The following SKAP1 variants were observed in gnomAD, a reference collection of about 807,000 sequenced individuals.
The protein encoded by SKAP1 is src kinase associated phosphoprotein 1.
In SKAP1, 44 loss-of-function variants were observed where a neutral mutation model predicts 58.5. The observed-to-expected ratio is 0.75, with a 90% CI of 0.59 to 0.97. SKAP1 has a LOEUF of 0.97. Ranked by LOEUF, SKAP1 falls within the 50% of genes least tolerant of loss-of-function variation. The pLI, the probability that SKAP1 is intolerant of heterozygous loss-of-function variation, is 0.00. For missense variants in SKAP1, 390 were observed against 435.2 expected (o/e 0.90, Z 0.92); for synonymous variants, 127 against 149.7 (o/e 0.85, Z 1.11).
the SKAP1 span, among the ~76,000 whole-genome samples, chr17:48,436,335 G>C: frequency 6.6e-6 from 1 of 152,206 alleles, no homozygotes; most frequent in Non-Finnish European, 1.5e-5. Context: ...GCCTCCCAAA[G>C]TGCTGGGATT....
chr17:48,432,360 C>T (rs982551212), upstream of SKAP1, among the ~76,000 whole-genome samples: 14 of 151,588 alleles, frequency 9.2e-5, no homozygotes, highest in Non-Finnish European at 1.3e-4. Flanking sequence ...ACCCGGGGGG[C>T]GGAGGTTGCA....
At chr17:48,277,234 G>T (rs1050084528) in intron 4 of SKAP1, among the ~76,000 whole-genome samples, 1 of 152,172 alleles carries the variant, frequency 6.6e-6, no homozygotes, top group African/African-American at 2.4e-5. Context: ...AAAAGAAAGT[G>T]TTATTTATAG....
At chr17:48,359,749 G>A (rs2066914169) in intron 3 of SKAP1, among the ~76,000 whole-genome samples, 1 of 152,206 alleles carries the variant, frequency 6.6e-6, no homozygotes, top group African/African-American at 2.4e-5. Context: ...TAGGACTACA[G>A]GCCTGTGCCA....
chr17:48,420,786 T>C (rs930457004), intron 1 of SKAP1, among the ~76,000 whole-genome samples: 5 of 152,140 alleles, frequency 3.3e-5, no homozygotes, highest in African/African-American at 4.8e-5. Context: ...CTCAGCACTA[T>C]TGACAATTCG....
chr17:48,170,579 C>T (rs2143363007), intron 10 of SKAP1, 30 bp downstream of exon 10: 4 of 1,594,818 alleles, frequency 2.5e-6, no homozygotes, highest in Non-Finnish European at 1.7e-6. Context: ...ATGTCCTACC[C>T]AGTGCCTGTG....
At chr17:48,266,405 A>C (rs1229197546) in intron 4 of SKAP1, among the ~76,000 whole-genome samples, 5 of 152,196 alleles carry the variant, frequency 3.3e-5, no homozygotes, top group Non-Finnish European at 7.3e-5. Flanking sequence ...TATACATAAC[A>C]ATAAATACAC....
chr17:48,303,862 G>A (rs16955049), intron 4 of SKAP1, among the ~76,000 whole-genome samples: 3,274 of 152,230 alleles, frequency 0.022, 109 homozygotes, highest in African/African-American at 0.073. Flanking sequence ...GAAACCCTAA[G>A]GCGTACAGGT....
intron 2 of SKAP1, among the ~76,000 whole-genome samples, chr17:48,392,832 C>T (rs1049882013): frequency 4.6e-5 from 7 of 151,452 alleles, no homozygotes; most frequent in Non-Finnish European, 8.8e-5. Flanking sequence ...TGCACTCTAG[C>T]CTGGGCAACA....
intron 6 of SKAP1, chr17:48,185,283 G>A (rs550260835): frequency 2.5e-4 from 39 of 157,538 alleles, no homozygotes; most frequent in African/African-American, 6.7e-4. Flanking sequence ...TCCCAGAATC[G>A]CCTCCCATGC....
intron 4 of SKAP1, among the ~76,000 whole-genome samples, chr17:48,345,320 AT>A (rs1369264599): frequency 6.6e-6 from 1 of 152,242 alleles, no homozygotes; most frequent in African/African-American, 2.4e-5. Context: ...CAATTGAATT[AT>A]TTAACTCCTC....
intron 12 of SKAP1, among the ~76,000 whole-genome samples, chr17:48,135,593 T>G (rs2063688022): frequency 6.6e-6 from 1 of 152,122 alleles, no homozygotes. Context: ...TCCTCCCACC[T>G]TAGCCTCCCA....
At chr17:48,160,390 G>C (rs1031308729) in intron 11 of SKAP1, among the ~76,000 whole-genome samples, 3 of 151,964 alleles carry the variant, frequency 2.0e-5, no homozygotes, top group African/African-American at 7.2e-5. Context: ...TCCTGCCTCA[G>C]CCTCCTAAAA....
At chr17:48,361,771 C>T (rs2144392574) in intron 3 of SKAP1, among the ~76,000 whole-genome samples, 1 of 152,292 alleles carries the variant, frequency 6.6e-6, no homozygotes, top group East Asian at 1.9e-4. Context: ...CCCAACACCA[C>T]CCAGTTTTCC....
At chr17:48,237,037 T>C (rs1457236900) in intron 4 of SKAP1, among the ~76,000 whole-genome samples, 1 of 152,236 alleles carries the variant, frequency 6.6e-6, no homozygotes, top group African/African-American at 2.4e-5. Flanking sequence ...AGTGACTCAC[T>C]CATGATCATA....
At chr17:48,189,862 G>C (rs1483882392) in intron 4 of SKAP1, among the ~76,000 whole-genome samples, 1 of 151,722 alleles carries the variant, frequency 6.6e-6, no homozygotes, top group Non-Finnish European at 1.5e-5. Context: ...ATTTTTAGTA[G>C]AGATGGGGTT....
chr17:48,233,522 A>C (rs2065146385), intron 4 of SKAP1, among the ~76,000 whole-genome samples: 1 of 152,186 alleles, frequency 6.6e-6, no homozygotes, highest in Non-Finnish European at 1.5e-5. Flanking sequence ...ATATAATACT[A>C]TAAAATTTTA....
intron 7 of SKAP1, among the ~76,000 whole-genome samples, chr17:48,184,217 G>C (rs567861326): frequency 6.6e-6 from 1 of 151,978 alleles, no homozygotes; most frequent in Admixed American, 6.6e-5. Context: ...TGTTACTATC[G>C]TCACCAATAT....
At chr17:48,206,432 CGT>C (rs1491482891) in intron 4 of SKAP1, among the ~76,000 whole-genome samples, 9 of 151,756 alleles carry the variant, frequency 5.9e-5, no homozygotes, top group Admixed American at 3.9e-4. Context: ...AAAATAAAGA[CGT>C]TTTTTTTTAT....
chr17:48,214,854 G>A (rs1431338275), intron 4 of SKAP1, among the ~76,000 whole-genome samples: 6 of 151,358 alleles, frequency 4.0e-5, no homozygotes, highest in Non-Finnish European at 8.8e-5. Flanking sequence ...CCTGGGAGGC[G>A]GAGGTTGCAG....
Sources: gnomAD v4.1 joint callset for allele counts (sites outside exome capture counted in the v4.1 genomes callset) on GRCh38, gnomAD v4.1.1 for gene constraint, MANE v1.5 for transcripts, NCBI Gene and HGNC (gene_info 2026-07-23, HGNC 2026-07-21) for gene names.